The following MYH14 variants were observed in gnomAD, a reference collection of about 807,000 sequenced individuals.
The protein encoded by MYH14 is myosin heavy chain 14.
Under a neutral mutation model 255.5 loss-of-function variants are expected in MYH14, and 123 were observed. That is an observed-to-expected ratio of 0.48 (90% CI 0.42 to 0.56). The LOEUF (loss-of-function observed/expected upper bound fraction) is 0.56. MYH14 is among the 20% of genes least tolerant of loss of function. The pLI is 0.00. For missense variants in MYH14, 2,423 were observed against 2,802.3 expected (o/e 0.86, Z 3.06); for synonymous variants, 1,095 against 1,161.2 (o/e 0.94, Z 1.16).
intron 39 of MYH14, among the ~76,000 whole-genome samples, chr19:50,297,361 T>C (rs1159940240): frequency 6.6e-6 from 1 of 152,146 alleles, no homozygotes; most frequent in Non-Finnish European, 1.5e-5. Context: ...CTCTTGTTCA[T>C]GCCTCTCCCC....
chr19:50,263,376 T>C lies in MYH14; in HGVS notation c.2650T>C (p.Tyr884His). ...GGTGATGCAGCGGAACTGCGCGGCC[T>C]ACCTCAAGCTGAGACACTGGCAGTG... ...LRVMQRNCAAYLKLRHWQWWR... is the reference protein window; with the variant it reads ...LRVMQRNCAAHLKLRHWQWWR... Residue 884 changes from tyrosine (Y) to histidine (H), a missense_variant, in exon 22 of 43, where the codon TAC becomes CAC. Physicochemically the swap from Tyr to His is moderately conservative, Grantham distance 83 (BLOSUM62 2). Transcript: ENST00000642316. The C allele has an allele frequency of 1.2e-6, 2 of 1,604,106 alleles. No homozygotes were observed. Among genetic ancestry groups the C allele is most frequent in the Non-Finnish European group, 1.7e-6 (2 of 1,175,544 alleles).
chr19:50,219,084 G>A lies in MYH14; in HGVS notation c.562+1313G>A, dbSNP rs1467330470. Reference sequence around the variant, plus strand: ...TATATATATATGAGTATTCCATGGTGTGTATACACTCACACACACACCATG... The same window carrying A: ...TATATATATATGAGTATTCCATGGTATGTATACACTCACACACACACCATG... On this transcript the variant is annotated intron_variant, in intron 3 of 42. Coordinates refer to ENST00000642316, the MANE Select transcript of MYH14 (RefSeq NM_001145809.2). 1.4e-4 allele frequency among the ~76,000 whole-genome samples: 19 copies of A among 140,490 alleles called. 2 individuals carry two copies. Among genetic ancestry groups the A allele is most frequent in the Non-Finnish European group, 1.6e-5 (1 of 62,584 alleles). The allele number at this position is 140,490 out of a possible 152,430, so 92.2% of individuals were successfully genotyped here. A position where few individuals can be genotyped will look rare whatever the true frequency, so the allele number is the denominator to read the frequency against.
At chr19:50,258,130 A>G (rs2034659786) in intron 18 of MYH14, among the ~76,000 whole-genome samples, 1 of 152,030 alleles carries the variant, frequency 6.6e-6, no homozygotes, top group African/African-American at 2.4e-5. Flanking sequence ...CATGTTTGCC[A>G]TGTTGCCCAG....
Position 50,252,023 on chromosome 19 carries a change from G to A in MYH14, c.1831-616G>A, listed in dbSNP as rs1194360831. ...GTGGGAAGGGCTCTCCAGGCAGAGGGAACAGCATAGACAATGGCTGGGAGG... is the reference window on the plus strand; with the variant it reads ...GTGGGAAGGGCTCTCCAGGCAGAGGAAACAGCATAGACAATGGCTGGGAGG... On this transcript the variant is annotated intron_variant, in intron 15 of 42. Transcript: ENST00000642316. This position sits in a 1 kb window ranked among gnomAD's most constrained non-coding sequence, Gnocchi z 4.2. Among the ~76,000 whole-genome samples, 1 of 152,190 alleles carries A rather than the reference G, an allele frequency of 6.6e-6. No homozygotes were observed. Among genetic ancestry groups the A allele is most frequent in the Non-Finnish European group, 1.5e-5 (1 of 68,036 alleles).
chr19:50,244,882 C>T lies in MYH14; in HGVS notation c.1210+545C>T, dbSNP rs78229379. 4.6e-3 allele frequency among the ~76,000 whole-genome samples: 694 copies of T among 152,204 alleles called. 2 individuals carry two copies. Among genetic ancestry groups the T allele is most frequent in the Middle Eastern group, 0.01 (3 of 294 alleles). On this transcript the variant is annotated intron_variant, in intron 11 of 42. Coordinates refer to ENST00000642316, the MANE Select transcript of MYH14 (RefSeq NM_001145809.2). ...CTGCTGAAAGTGAACCGCACCAGCA[C>T]GACAGTGGGGAACAGCAGGAGCCCA... is the stretch of plus-strand genomic sequence containing the variant.
chr19:50,302,157 G>A (rs1054108827), intron 40 of MYH14, among the ~76,000 whole-genome samples: 2 of 149,372 alleles, frequency 1.3e-5, no homozygotes, highest in African/African-American at 4.9e-5. Context: ...GTTAGCGTGT[G>A]CCTGTAGTCC....
chr19:50,308,883 A>G (rs2036742603), intron 41 of MYH14, 122 bp from the exon 42 acceptor site: 2 of 961,698 alleles, frequency 2.1e-6, no homozygotes, highest in Non-Finnish European at 1.5e-6. Context: ...CTAAACAGAG[A>G]GCAGAGGATG....
At chr19:50,228,141 C>T (rs1389987941) in intron 8 of MYH14, among the ~76,000 whole-genome samples, 1 of 151,910 alleles carries the variant, frequency 6.6e-6, no homozygotes, top group Non-Finnish European at 1.5e-5. Context: ...AAAAAATTAG[C>T]CGGGCGTGGT....
chr19:50,255,362 G>T, intron 17 of MYH14, 44 bp downstream of exon 17: 1 of 1,462,774 alleles, frequency 6.8e-7, no homozygotes, highest in Non-Finnish European at 9.3e-7. Flanking sequence ...GCTGGAGGAG[G>T]AGGGTGGACC....
At chr19:50,220,622 C>T (rs1003203774) in intron 3 of MYH14, among the ~76,000 whole-genome samples, 2 of 152,024 alleles carry the variant, frequency 1.3e-5, no homozygotes, top group Admixed American at 1.3e-4. Flanking sequence ...GTGGCATGAC[C>T]TTAGCTCGCT....
chr19:50,303,771 C>T (rs1039372917), intron 40 of MYH14, among the ~76,000 whole-genome samples: 2 of 152,096 alleles, frequency 1.3e-5, no homozygotes, highest in African/African-American at 4.8e-5. Context: ...GCTGCAATTG[C>T]ACCAAGAACC....
At chr19:50,281,926 T>C in intron 33 of MYH14, 84 bp downstream of exon 33, 1 of 1,460,454 alleles carries the variant, frequency 6.8e-7, no homozygotes. Flanking sequence ...CAGTAATCCG[T>C]GCTGTCACGG....
At chr19:50,297,884 C>A (rs187738720) in intron 39 of MYH14, among the ~76,000 whole-genome samples, 15 of 152,254 alleles carry the variant, frequency 9.9e-5, no homozygotes, top group African/African-American at 3.4e-4. Context: ...TCAATTACAA[C>A]TGCAAAGATC....
chr19:50,271,510 G>A lies in MYH14; in HGVS notation c.3135G>A (p.Leu1045=), dbSNP rs766793835. 3 of 1,606,480 alleles carry A rather than the reference G, an allele frequency of 1.9e-6. No homozygotes were observed. The highest frequency in any genetic ancestry group is 1.7e-4 in the Middle Eastern group (1 of 6,022). ...AAATGAAGAAATTTGAAGAGGACCT[G>A]CTGCTCCTGGAAGACCAGAATTCCA... The part of the protein sequence containing the change: ...EAKMKKFEED[L]LLLEDQNSKL... Residue 1045 remains leucine, a synonymous_variant, in exon 25 of 43, where the codon CTG becomes CTA. Coordinates refer to ENST00000642316, the MANE Select transcript of MYH14 (RefSeq NM_001145809.2).
rs987967044 is a variant in MYH14, at chr19:50,226,824, G to T, written c.811-79G>T. ...AGCCGCAGCTCTGGGAGCAGTGGGT[G>T]TGGGGTTTGGGCTGTTGTTCACGTG... is the stretch of plus-strand genomic sequence containing the variant. On this transcript the variant is annotated intron_variant, in intron 7 of 42. Transcript: ENST00000642316. The T allele has an allele frequency of 1.2e-5, 16 of 1,368,432 alleles. No individual in the cohort carries two copies. In the African/African-American group the frequency reaches 2.3e-4, roughly 20 times the overall value. 84.8% of individuals were successfully genotyped at this position (1,368,432 alleles called of 1,614,324 possible). A position where few individuals can be genotyped will look rare whatever the true frequency, so the allele number is the denominator to read the frequency against.
In MYH14 at chr19:50,280,109, A is replaced by G; in HGVS notation, c.4105A>G (p.Ser1369Gly). The G allele has an allele frequency of 1.2e-6, 2 of 1,608,768 alleles. No homozygotes were observed. The highest frequency in any genetic ancestry group is 1.3e-5 in the African/African-American group (1 of 74,962). ...SKTIRLSKEL[S>G]STEAQLHDAQ... ...AACCATCCGTCTTAGCAAGGAGCTG[A>G]GCAGCACAGAAGCCCAGCTGCACGA... is the stretch of plus-strand genomic sequence containing the variant. The change falls in exon 31 of 43, where the codon AGC becomes GGC. Residue 1369 changes from serine (S) to glycine (G), a missense_variant. Coordinates refer to ENST00000642316, the MANE Select transcript of MYH14 (RefSeq NM_001145809.2). The surrounding 1 kb of genome is among the most constrained non-coding windows in gnomAD (Gnocchi z 4.8).
intron 11 of MYH14, among the ~76,000 whole-genome samples, chr19:50,245,871 T>C (rs116769862): frequency 0.015 from 2,352 of 152,228 alleles, 48 homozygotes; most frequent in African/African-American, 0.041. Flanking sequence ...TGCTTTTTTT[T>C]CCCCTGAATG....
At chr19:50,244,630 C>T (rs1382471676) in intron 11 of MYH14, among the ~76,000 whole-genome samples, 3 of 151,926 alleles carry the variant, frequency 2.0e-5, no homozygotes, top group Non-Finnish European at 4.4e-5. Context: ...ACTACAGGCG[C>T]CCGCCACCAC....
intron 27 of MYH14, among the ~76,000 whole-genome samples, chr19:50,274,141 C>T (rs788340): frequency 0.014 from 2,112 of 152,226 alleles, 63 homozygotes; most frequent in African/African-American, 0.047. Context: ...CAATAAATGC[C>T]GGATGTTTCT....
Sources: allele counts gnomAD v4.1 joint callset (sites outside exome capture counted in the v4.1 genomes callset), GRCh38; gene constraint gnomAD v4.1.1; non-coding constraint Gnocchi (gnomAD v3.1); transcripts MANE v1.5; gene names NCBI Gene and HGNC (gene_info 2026-07-23, HGNC 2026-07-21).